Variants in RAB38 observed in about 807,000 individuals in gnomAD.
The protein encoded by RAB38 is ras-related protein Rab-38.
In RAB38, 15 loss-of-function variants were observed where a neutral mutation model predicts 18.4. The ratio of observed to expected loss-of-function variants is 0.82; its 90% confidence interval spans 0.55 to 1.26. The LOEUF (loss-of-function observed/expected upper bound fraction) is 1.26. RAB38 is among the 50% of genes most tolerant of loss of function. The probability of loss-of-function intolerance (pLI) is 0.00; values close to 1 mark genes in which losing one functional copy is unlikely to be tolerated. For missense variants in RAB38, 294 were observed against 267.4 expected (o/e 1.10, Z -0.69); for synonymous variants, 101 against 104.4 (o/e 0.97, Z 0.20).
At chr11:87,919,506 AT>A in the RAB38 span, among the ~76,000 whole-genome samples, 5 of 151,606 alleles carry the variant, frequency 3.3e-5, no homozygotes, top group African/African-American at 1.2e-4. Context: ...GTTTGCTATT[AT>A]TTTGTTAAGA....
the RAB38 span, among the ~76,000 whole-genome samples, chr11:87,951,467 G>A: frequency 3.0e-4 from 46 of 151,892 alleles, 1 homozygote; most frequent in Middle Eastern, 3.4e-3. Flanking sequence ...GAGGAGAGGC[G>A]CTCTGCTTTT....
Position 88,117,091 on chromosome 11 carries a change from A to G in RAB38, c.484-2951T>C, listed in dbSNP as rs150771352. ...GGTATTAGGCCTAGGAGAGCGGACC[A>G]TGAAGGATGGGCTCTAGAGAAAGGA... On this transcript the variant is annotated intron_variant, in intron 2 of 2. Coordinates refer to ENST00000243662, the MANE Select transcript of RAB38 (RefSeq NM_022337.3). Among the ~76,000 whole-genome samples the G allele has an allele frequency of 6.7e-3, 1,027 of 152,306 alleles. 11 individuals carry two copies. Among genetic ancestry groups the G allele is most frequent in the African/African-American group, 0.024 (977 of 41,568 alleles).
At chr11:88,117,028 T>C (rs1309185550) in intron 2 of RAB38, among the ~76,000 whole-genome samples, 2 of 152,180 alleles carry the variant, frequency 1.3e-5, no homozygotes, top group Non-Finnish European at 2.9e-5. Context: ...ACTGTTTAAA[T>C]TGTTTGCGAG....
the RAB38 span, among the ~76,000 whole-genome samples, chr11:87,976,722 A>G: frequency 8.7e-6 from 1 of 115,284 alleles, no homozygotes; most frequent in African/African-American, 3.5e-5. Flanking sequence ...ATATTTCTAT[A>G]TATTTTATAT....
chr11:88,105,784 A>T, the RAB38 span, among the ~76,000 whole-genome samples: 130 of 152,304 alleles, frequency 8.5e-4, 2 homozygotes, highest in African/African-American at 3.1e-3. Context: ...TACTCTGATT[A>T]GCCCATTGTG....
the RAB38 span, among the ~76,000 whole-genome samples, chr11:87,811,690 T>C: frequency 3.0e-3 from 459 of 152,322 alleles, 2 homozygotes; most frequent in Non-Finnish European, 5.1e-3. Context: ...GTCTTAAACC[T>C]TTTATTGTGT....
At chr11:88,111,368 T>C (rs1942471498), downstream of RAB38, among the ~76,000 whole-genome samples, 1 of 152,110 alleles carries the variant, frequency 6.6e-6, no homozygotes, top group Non-Finnish European at 1.5e-5. Context: ...TGAATGACCC[T>C]TGTCTGTATA....
the RAB38 span, among the ~76,000 whole-genome samples, chr11:87,873,248 T>A: frequency 1.3e-5 from 2 of 151,790 alleles, no homozygotes; most frequent in Admixed American, 1.3e-4. Context: ...GTATATCTTC[T>A]TTGATAAGGT....
At chr11:88,029,172 C>G in the RAB38 span, among the ~76,000 whole-genome samples, 8 of 151,870 alleles carry the variant, frequency 5.3e-5, no homozygotes, top group Non-Finnish European at 1.2e-4. Flanking sequence ...TACAGACAAG[C>G]AAATGCTGAG....
At chr11:88,072,177 T>C in the RAB38 span, among the ~76,000 whole-genome samples, 3 of 152,214 alleles carry the variant, frequency 2.0e-5, no homozygotes, top group Admixed American at 2.0e-4. Flanking sequence ...TGTTAAAAAA[T>C]CTATGGGGGA....
At chr11:87,867,793 G>T in the RAB38 span, among the ~76,000 whole-genome samples, 1 of 151,606 alleles carries the variant, frequency 6.6e-6, no homozygotes, top group Non-Finnish European at 1.5e-5. Flanking sequence ...CTCTTAACAG[G>T]TAAGTGAAAT....
chr11:87,862,512 G>T, the RAB38 span, among the ~76,000 whole-genome samples: 1 of 151,898 alleles, frequency 6.6e-6, no homozygotes, highest in African/African-American at 2.4e-5. Flanking sequence ...CTATCAGAGG[G>T]TAGAGGGTGG....
chr11:88,053,997 C>G, the RAB38 span, among the ~76,000 whole-genome samples: 1 of 152,230 alleles, frequency 6.6e-6, no homozygotes, highest in South Asian at 2.1e-4. Flanking sequence ...TTCCTTTTAA[C>G]TTGTATGTGA....
the RAB38 span, among the ~76,000 whole-genome samples, chr11:87,976,625 A>C: frequency 1.9e-5 from 2 of 107,864 alleles, no homozygotes; most frequent in Admixed American, 1.1e-4. Flanking sequence ...CATGATATAT[A>C]AATATATATG....
Position 88,137,632 on chromosome 11 carries a change from C to T in RAB38, c.483+12043G>A, listed in dbSNP as rs1244595518. Reference sequence around the variant, plus strand: ...TTTCATAAAGAAAGAACACAGAAAACAATAGGAAGAAAATTATCAAAGAAA... The same window carrying T: ...TTTCATAAAGAAAGAACACAGAAAATAATAGGAAGAAAATTATCAAAGAAA... On this transcript the variant is annotated intron_variant, in intron 2 of 2. Transcript: ENST00000243662. Among the ~76,000 whole-genome samples, 4 of 152,058 alleles carry T rather than the reference C, an allele frequency of 2.6e-5. No individual in the cohort carries two copies. In the East Asian group the frequency reaches 7.7e-4, roughly 29 times the overall value.
At chr11:87,951,837 C>T in the RAB38 span, among the ~76,000 whole-genome samples, 54 of 152,272 alleles carry the variant, frequency 3.5e-4, 2 homozygotes, top group East Asian at 9.1e-3. Context: ...TTAGGCTACT[C>T]GGGTGTCAGG....
chr11:88,016,777 C>T, the RAB38 span, among the ~76,000 whole-genome samples: 2 of 152,050 alleles, frequency 1.3e-5, no homozygotes, highest in African/African-American at 4.8e-5. Context: ...TAGTTTTGGC[C>T]TAGTTCTGAC....
intron 2 of RAB38, among the ~76,000 whole-genome samples, chr11:88,126,489 G>A (rs564361549): frequency 1.9e-4 from 29 of 152,180 alleles, no homozygotes; most frequent in South Asian, 8.3e-4. Flanking sequence ...CTCATAGGTC[G>A]GAGTTGATCA....
At chr11:88,137,370 C>T (rs1035474661) in intron 2 of RAB38, among the ~76,000 whole-genome samples, 18 of 152,258 alleles carry the variant, frequency 1.2e-4, no homozygotes, top group African/African-American at 3.9e-4. Flanking sequence ...AATAATTCAG[C>T]ATCTTCACAA....
Sources: allele counts gnomAD v4.1 joint callset (sites outside exome capture counted in the v4.1 genomes callset), GRCh38; gene constraint gnomAD v4.1.1; transcripts MANE v1.5; gene names NCBI Gene and HGNC (gene_info 2026-07-23, HGNC 2026-07-21).